UBE2V2: variants seen among roughly 807,000 people sequenced by gnomAD.
UBE2V2 encodes the protein ubiquitin conjugating enzyme E2 V2.
UBE2V2 carries 9 observed loss-of-function variants against 17.2 expected under a neutral mutation model. The observed-to-expected ratio is 0.52, with a 90% CI of 0.32 to 0.91. The LOEUF (loss-of-function observed/expected upper bound fraction) is 0.91, where lower values mean the gene tolerates loss of function less well. Among genes scored for constraint, UBE2V2 ranks in the 40% least tolerant of loss-of-function variants. UBE2V2 has a pLI of 0.04. For missense variants in UBE2V2, 133 were observed against 182.6 expected (o/e 0.73, Z 1.56); for synonymous variants, 61 against 57.5 (o/e 1.06, Z -0.28).
chr8:48,014,789 G>T (rs948657096), intron 1 of UBE2V2, among the ~76,000 whole-genome samples: 3 of 151,422 alleles, frequency 2.0e-5, no homozygotes, highest in African/African-American at 7.3e-5. Context: ...GGTGGCTCAC[G>T]CCCGTAATCC....
intron 1 of UBE2V2, among the ~76,000 whole-genome samples, chr8:48,020,462 A>C (rs542616542): frequency 6.6e-6 from 1 of 151,984 alleles, no homozygotes; most frequent in Non-Finnish European, 1.5e-5. Context: ...CAGTCACTCT[A>C]TGTCTTGATT....
At chr8:48,048,499 T>A (rs1357584894) in intron 2 of UBE2V2, among the ~76,000 whole-genome samples, 1 of 152,340 alleles carries the variant, frequency 6.6e-6, no homozygotes, top group Non-Finnish European at 1.5e-5. Context: ...GAGTCTGATA[T>A]GCATCCAGAT....
chr8:47,999,420 A>G, the UBE2V2 span, among the ~76,000 whole-genome samples: 1 of 151,580 alleles, frequency 6.6e-6, no homozygotes, highest in African/African-American at 2.4e-5. Context: ...GCAGTGGCAC[A>G]ATATTGGCTC....
intron 3 of UBE2V2, among the ~76,000 whole-genome samples, chr8:48,055,575 T>C (rs531843474): frequency 3.3e-5 from 5 of 152,234 alleles, no homozygotes; most frequent in Admixed American, 6.6e-5. Context: ...GTGATATAAT[T>C]CACATACCAT....
rs775179004 is a variant in UBE2V2 at position 48,049,923 on chromosome 8, C to G, written c.236C>G (p.Ser79Ter). The change falls in exon 3 of 4, where the codon TCA becomes TGA. Residue 79 changes from serine to a stop codon, truncating the protein, a stop_gained. Transcript: ENST00000523111. LOFTEE classifies it high-confidence loss of function. ...CGPKYPEAPP[S>*]VRFVTKINMN... ...CCTAAATACCCAGAAGCTCCTCCGT[C>G]AGTTAGATTTGTAACAAAAATTAAT... The G allele has an allele frequency of 1.3e-6, 2 of 1,583,014 alleles. No homozygotes were observed. Among genetic ancestry groups the G allele is most frequent in the Non-Finnish European group, 1.7e-6 (2 of 1,168,594 alleles).
At chr8:48,042,300 A>G (rs2091468684) in intron 1 of UBE2V2, 1 of 152,214 alleles carries the variant, frequency 6.6e-6, no homozygotes, top group South Asian at 2.1e-4. Flanking sequence ...GTATTATCTA[A>G]GGTGCATAAA....
chr8:48,002,450 T>C, the UBE2V2 span, among the ~76,000 whole-genome samples: 1 of 152,292 alleles, frequency 6.6e-6, no homozygotes, highest in African/African-American at 2.4e-5. Context: ...AAATATTACA[T>C]TATCTCACTT....
chr8:48,042,384 T>C (rs2091469259), intron 1 of UBE2V2: 1 of 152,218 alleles, frequency 6.6e-6, no homozygotes, highest in Non-Finnish European at 1.5e-5. Context: ...AGAGACATAC[T>C]GAAAGCCAAG....
At position 48,008,435 on chromosome 8, in the gene UBE2V2, G is replaced by A. The variant is rs749392391; in HGVS notation, c.-20G>A. ...GGTTCGTGCGTGCGTGCGGGCGGCT[G>A]CGTCGGGCTGCAGGAGAAGATGGCG... On this transcript the variant is annotated 5_prime_UTR_variant, in exon 1 of 4. Transcript: ENST00000523111. 4.5e-6 allele frequency: 7 copies of A among 1,564,176 alleles called. No homozygotes were observed. The highest frequency in any genetic ancestry group is 5.2e-6 in the Non-Finnish European group (6 of 1,157,812).
At chr8:48,060,310 T>A (rs1323230182) in intron 3 of UBE2V2, among the ~76,000 whole-genome samples, 1 of 152,040 alleles carries the variant, frequency 6.6e-6, no homozygotes, top group African/African-American at 2.4e-5. Flanking sequence ...TTAGTAGCTT[T>A]TGTCTAAATC....
intron 1 of UBE2V2, among the ~76,000 whole-genome samples, chr8:48,009,252 TTTTTCTTTTC>T (rs1297717477): frequency 1.3e-5 from 2 of 151,730 alleles, no homozygotes; most frequent in Admixed American, 1.3e-4. Flanking sequence ...GTGATCTGCC[TTTTTCTTTTC>T]TTTTCTTTTT....
intron 1 of UBE2V2, among the ~76,000 whole-genome samples, chr8:48,021,528 A>T (rs752845198): frequency 6.6e-6 from 1 of 151,810 alleles, no homozygotes; most frequent in African/African-American, 2.4e-5. Context: ...GGATGGTCTC[A>T]ATCTCCTGAC....
intron 1 of UBE2V2, among the ~76,000 whole-genome samples, chr8:48,025,676 T>C (rs995555046): frequency 6.6e-6 from 1 of 151,826 alleles, no homozygotes; most frequent in African/African-American, 2.4e-5. Flanking sequence ...CTCGGCTCAC[T>C]GCAAGCTCCG....
intron 1 of UBE2V2, among the ~76,000 whole-genome samples, chr8:48,036,787 T>C (rs1056530649): frequency 1.3e-4 from 20 of 152,116 alleles, no homozygotes; most frequent in African/African-American, 4.8e-4. Context: ...ACATATTTTG[T>C]GGGGGTACAT....
intron 1 of UBE2V2, among the ~76,000 whole-genome samples, chr8:48,009,867 G>T (rs905262271): frequency 4.6e-5 from 7 of 152,132 alleles, no homozygotes; most frequent in African/African-American, 1.7e-4. Flanking sequence ...GTAAGGCAAG[G>T]ATTGTTTTAA....
chr8:48,055,000 T>G (rs1024515778), intron 3 of UBE2V2, among the ~76,000 whole-genome samples: 1 of 152,086 alleles, frequency 6.6e-6, no homozygotes, highest in Non-Finnish European at 1.5e-5. Flanking sequence ...AACTACCATT[T>G]ACAGCTGGAA....
chr8:48,015,050 CAAAAAAAAA>C (rs1173137634), intron 1 of UBE2V2, among the ~76,000 whole-genome samples: 2 of 63,750 alleles, frequency 3.1e-5, no homozygotes, highest in Non-Finnish European at 6.3e-5. Flanking sequence ...ACTCCATCTC[CAAAAAAAAA>C]AAAAAAAAAA....
intron 3 of UBE2V2, among the ~76,000 whole-genome samples, chr8:48,052,592 C>G (rs1232628401): frequency 6.6e-6 from 1 of 152,122 alleles, no homozygotes; most frequent in East Asian, 1.9e-4. Flanking sequence ...TGAATATTGG[C>G]CATCATTTAT....
chr8:48,037,826 ATCCTGTT>A (rs1354141593), intron 1 of UBE2V2, among the ~76,000 whole-genome samples: 1 of 152,208 alleles, frequency 6.6e-6, no homozygotes, highest in African/African-American at 2.4e-5. Flanking sequence ...TTCCCTGATC[ATCCTGTT>A]TCTTGGTCTT....
Sources: allele counts gnomAD v4.1 joint callset (sites outside exome capture counted in the v4.1 genomes callset), GRCh38; gene constraint gnomAD v4.1.1; transcripts MANE v1.5; gene names NCBI Gene and HGNC (gene_info 2026-07-23, HGNC 2026-07-21).